FAAH2: variants seen among roughly 807,000 people sequenced by gnomAD.
The protein encoded by FAAH2 is fatty-acid amide hydrolase 2.
A neutral mutation model predicts 36.9 loss-of-function variants in FAAH2; 60 were observed. The ratio of observed to expected loss-of-function variants is 1.63; its 90% CI spans 1.32 to 2.02. The LOEUF (loss-of-function observed/expected upper bound fraction) is 2.02. Among genes scored for constraint, FAAH2 ranks in the 30% most tolerant of loss-of-function variants. The pLI is 0.00. For missense variants in FAAH2, 689 were observed against 397.5 expected, an observed-to-expected ratio of 1.73 and a Z score of -6.23; for synonymous variants, 214 against 143.8, an observed-to-expected ratio of 1.49 and a Z score of -3.49.
intron 2 of FAAH2, among the ~76,000 whole-genome samples, chrX:57,300,075 A>G (rs754195801): frequency 8.9e-6 from 1 of 111,944 alleles, no homozygotes; most frequent in East Asian, 2.8e-4. Context: ...TAAGCTACAA[A>G]TGACTTTCTT....
At position 57,286,796 on chromosome X, in the gene FAAH2, G is replaced by T. The variant is rs1234752577; in HGVS notation, c.-30G>T. The T allele has an allele frequency of 1.5e-5, 17 of 1,127,695 alleles. No individual in the cohort carries two copies. The highest frequency in any genetic ancestry group is 1.9e-5 in the Non-Finnish European group (16 of 851,738). The allele number at this position is 1,127,695 out of a possible 1,213,427, so 92.9% of individuals were successfully genotyped here. On this transcript the variant is annotated 5_prime_UTR_variant, in exon 1 of 11. Coordinates refer to ENST00000374900, the MANE Select transcript of FAAH2 (RefSeq NM_174912.4). Reference sequence around the variant, plus strand: ...TCCCCAGGGTGCACGTAACCCTCAAGCACTAGGACCGTGCGGAATCCAGGC... The same window carrying T: ...TCCCCAGGGTGCACGTAACCCTCAATCACTAGGACCGTGCGGAATCCAGGC...
intron 10 of FAAH2, among the ~76,000 whole-genome samples, chrX:57,453,319 A>C (rs773492426): frequency 1.8e-5 from 2 of 112,861 alleles, no homozygotes; most frequent in South Asian, 3.6e-4. Flanking sequence ...TTTATGAGGC[A>C]TACAAGTAAA....
At chrX:57,467,384 A>T (rs1004627547) in intron 10 of FAAH2, among the ~76,000 whole-genome samples, 1 of 111,217 alleles carries the variant, frequency 9.0e-6, no homozygotes, top group Non-Finnish European at 1.9e-5. Flanking sequence ...CACCTTGAAA[A>T]TCGGGTCACT....
chrX:57,131,412 C>T, the FAAH2 span, among the ~76,000 whole-genome samples: 1 of 111,895 alleles, frequency 8.9e-6, no homozygotes. Flanking sequence ...ACAGAATAGG[C>T]ACTCTAATTC....
chrX:57,449,614 G>T (rs139641895), intron 10 of FAAH2, among the ~76,000 whole-genome samples: 1 of 111,094 alleles, frequency 9.0e-6, no homozygotes, highest in Non-Finnish European at 1.9e-5. Context: ...TCTCTCCCTG[G>T]CTTTGATCAC....
chrX:57,431,764 T>TTTTTTTTG lies in FAAH2; in HGVS notation c.997-148_997-147insTGTTTTTT, dbSNP rs1285933758. Among the ~76,000 whole-genome samples, 20 of 14,277 alleles carry TTTTTTTTG rather than the reference T, an allele frequency of 1.4e-3. 1 individual carries two copies. Among genetic ancestry groups the TTTTTTTTG allele is most frequent in the Admixed American group, 1.8e-3 (1 of 559 alleles). The allele number at this position is 14,277 out of a possible 115,157, so 12.4% of individuals were successfully genotyped here. A position where few individuals can be genotyped will look rare whatever the true frequency, so the allele number is the denominator to read the frequency against. On this transcript the variant is annotated intron_variant, in intron 7 of 10. Transcript: ENST00000374900. ...TTTGGGGTGTTTTGTTTTGTTTTTG[T>TTTTTTTTG]TTTTTTGTTTTTTTGTTTTTTTGTT... is the stretch of plus-strand genomic sequence containing the variant.
chrX:57,445,496 T>G (rs2056655954), intron 8 of FAAH2, among the ~76,000 whole-genome samples: 1 of 111,408 alleles, frequency 9.0e-6, no homozygotes, highest in African/African-American at 3.3e-5. Flanking sequence ...AACTACTGCC[T>G]GACTAATGTT....
At chrX:57,190,330 G>A in the FAAH2 span, among the ~76,000 whole-genome samples, 1 of 109,715 alleles carries the variant, frequency 9.1e-6, no homozygotes, top group Non-Finnish European at 1.9e-5. Context: ...TAGCTTGCTG[G>A]GCTCTGTGGG....
intron 10 of FAAH2, among the ~76,000 whole-genome samples, chrX:57,451,778 C>T (rs2056787809): frequency 9.0e-6 from 1 of 111,605 alleles, no homozygotes; most frequent in African/African-American, 3.3e-5. Context: ...CATTCACAGC[C>T]ATGCTAAAAA....
the FAAH2 span, among the ~76,000 whole-genome samples, chrX:57,218,996 C>T: frequency 8.9e-6 from 1 of 111,962 alleles, no homozygotes; most frequent in African/African-American, 3.3e-5. Context: ...GGCCCAGTCC[C>T]AAGGCGCAAG....
chrX:57,235,543 C>T, the FAAH2 span, among the ~76,000 whole-genome samples: 1 of 111,893 alleles, frequency 8.9e-6, no homozygotes, highest in Non-Finnish European at 1.9e-5. Flanking sequence ...TCTTTTCACA[C>T]ATATGGAAAC....
chrX:57,245,271 C>T, the FAAH2 span, among the ~76,000 whole-genome samples: 2 of 111,419 alleles, frequency 1.8e-5, no homozygotes, highest in African/African-American at 6.5e-5. Flanking sequence ...GACACCCACA[C>T]AATAATAGTG....
chrX:57,234,347 G>T, the FAAH2 span, among the ~76,000 whole-genome samples: 3,780 of 111,259 alleles, frequency 0.034, 468 homozygotes, highest in East Asian at 0.58. Flanking sequence ...CTCACTCAAT[G>T]AGAAATCAAC....
At chrX:57,319,995 A>G (rs2052968964) in intron 3 of FAAH2, among the ~76,000 whole-genome samples, 1 of 111,996 alleles carries the variant, frequency 8.9e-6, no homozygotes. Context: ...CCTCTTTCTT[A>G]CACCTTATAC....
At chrX:57,177,577 AATATATATAT>A in the FAAH2 span, among the ~76,000 whole-genome samples, 900 of 34,775 alleles carry the variant, frequency 0.026, 21 homozygotes, top group African/African-American at 0.051. Context: ...TCAAAATTTA[AATATATATAT>A]ATATATATAT....
chrX:57,163,631 C>T, the FAAH2 span, among the ~76,000 whole-genome samples: 1 of 112,109 alleles, frequency 8.9e-6, no homozygotes, highest in African/African-American at 3.2e-5. Context: ...TTTCCAGGTG[C>T]TGTCCATCAC....
At chrX:57,421,120 C>T (rs1197223314) in intron 7 of FAAH2, among the ~76,000 whole-genome samples, 2 of 112,121 alleles carry the variant, frequency 1.8e-5, no homozygotes, top group Non-Finnish European at 3.8e-5. Flanking sequence ...TTAGCTCCAA[C>T]ACATGAGTGA....
At chrX:57,362,935 G>A (rs774711199) in intron 5 of FAAH2, among the ~76,000 whole-genome samples, 2 of 111,740 alleles carry the variant, frequency 1.8e-5, no homozygotes, top group South Asian at 7.5e-4. Flanking sequence ...ATTGGTCTAG[G>A]TGTCTGGTTT....
At chrX:57,439,741 C>G (rs770483088) in intron 8 of FAAH2, among the ~76,000 whole-genome samples, 1 of 111,843 alleles carries the variant, frequency 8.9e-6, no homozygotes, top group South Asian at 3.7e-4. Context: ...TTAGGTCTAA[C>G]GTTTAAGTCT....
Sources: allele counts gnomAD v4.1 joint callset (sites outside exome capture counted in the v4.1 genomes callset), GRCh38; gene constraint gnomAD v4.1.1; transcripts MANE v1.5; gene names NCBI Gene and HGNC (gene_info 2026-07-23, HGNC 2026-07-21).